The following G3BP2 variants were observed in gnomAD, a reference collection of about 807,000 sequenced individuals.
G3BP2 encodes the protein ras GTPase-activating protein-binding protein 2.
In G3BP2, 11 loss-of-function variants were observed where a neutral mutation model predicts 56.7. The observed-to-expected ratio is 0.19, with a 90% CI of 0.12 to 0.32. G3BP2 has a LOEUF of 0.32. Among genes scored for constraint, G3BP2 ranks in the 10% least tolerant of loss-of-function variants. The pLI is 1.00. For missense variants in G3BP2, 340 were observed against 610.9 expected, an observed-to-expected ratio of 0.56 and a Z score of 4.67; for synonymous variants, 165 against 191.6, an observed-to-expected ratio of 0.86 and a Z score of 1.15.
At chr4:75,710,730 A>G (rs933543209) in intron 3 of G3BP2, among the ~76,000 whole-genome samples, 1 of 151,720 alleles carries the variant, frequency 6.6e-6, no homozygotes, top group Non-Finnish European at 1.5e-5. Flanking sequence ...GCAGTAGTGT[A>G]ATAATAGCTC....
At chr4:75,678,896 G>A (rs540146911) in intron 3 of G3BP2, among the ~76,000 whole-genome samples, 14 of 152,236 alleles carry the variant, frequency 9.2e-5, no homozygotes, top group African/African-American at 1.4e-4. Context: ...AATAAACATC[G>A]GCACTTAATG....
chr4:75,702,446 C>T (rs958813838), intron 3 of G3BP2, among the ~76,000 whole-genome samples: 19 of 152,264 alleles, frequency 1.2e-4, no homozygotes, highest in Middle Eastern at 3.4e-3. Flanking sequence ...CCTGGACCCC[C>T]GAATTCTAAC....
intron 7 of G3BP2, chr4:75,654,863 A>T: frequency 1.8e-6 from 1 of 549,934 alleles, no homozygotes; most frequent in South Asian, 2.6e-5. Context: ...ATCTTAAGTT[A>T]TAAGTTTCAC....
At chr4:75,682,724 G>A (rs1734126846) in intron 3 of G3BP2, among the ~76,000 whole-genome samples, 1 of 152,054 alleles carries the variant, frequency 6.6e-6, no homozygotes, top group Non-Finnish European at 1.5e-5. Flanking sequence ...GCTCATGCCT[G>A]TAATCCCAGC....
intron 11 of G3BP2, 117 bp from the exon 12 acceptor site, chr4:75,645,819 A>G: frequency 1.2e-6 from 1 of 843,252 alleles, no homozygotes; most frequent in South Asian, 1.7e-5. Context: ...TCAGCCCCCC[A>G]CCCCCCAGAG....
chr4:75,671,086 A>G (rs182385443), intron 1 of G3BP2, among the ~76,000 whole-genome samples: 41 of 152,340 alleles, frequency 2.7e-4, no homozygotes, highest in Admixed American at 2.5e-3. Flanking sequence ...TTGCTTCTGA[A>G]GGTAGGCCAG....
intron 3 of G3BP2, among the ~76,000 whole-genome samples, chr4:75,709,969 T>C (rs567612909): frequency 1.3e-5 from 2 of 152,328 alleles, no homozygotes; most frequent in East Asian, 3.9e-4. Context: ...TTGAATTTAT[T>C]GAAAGGGTAT....
At chr4:75,649,950 G>T (rs1368012283) in intron 8 of G3BP2, among the ~76,000 whole-genome samples, 1 of 152,084 alleles carries the variant, frequency 6.6e-6, no homozygotes, top group Non-Finnish European at 1.5e-5. Flanking sequence ...GACGGAGGTT[G>T]CAGTGAGCCA....
intron 1 of G3BP2, among the ~76,000 whole-genome samples, chr4:75,665,224 A>G (rs1732914127): frequency 6.6e-6 from 1 of 151,746 alleles, no homozygotes; most frequent in Admixed American, 6.6e-5. Flanking sequence ...CCTTTCCAAC[A>G]AACTATCCCT....
At position 75,661,996 on chromosome 4, in the gene G3BP2, A is replaced by G. The variant is rs765691759; in HGVS notation, c.30T>C (p.Leu10=). 1 of 1,612,404 alleles carries G rather than the reference A, an allele frequency of 6.2e-7. No homozygotes were observed. Among genetic ancestry groups the G allele is most frequent in the South Asian group, 1.1e-5 (1 of 91,018 alleles). The change falls in exon 2 of 12, where the codon CTT becomes CTC. Residue 10 remains leucine (L), a synonymous_variant. Transcript: ENST00000359707. The part of the protein sequence containing the change: MVMEKPSPL[L]VGREFVRQYY... The stretch of plus-strand genomic sequence containing the variant: ...ATTGCCTCACAAACTCCCGCCCTAC[A>G]AGCAGCGGACTGGGCTTCTCCATAA...
intron 2 of G3BP2, 187 bp downstream of exon 2, chr4:75,661,744 G>A (rs1289520540): frequency 7.3e-6 from 4 of 550,224 alleles, no homozygotes; most frequent in Admixed American, 6.6e-5. Context: ...GACATAAAAT[G>A]TTTTTATTAC....
At chr4:75,684,869 A>G (rs551897050) in intron 3 of G3BP2, among the ~76,000 whole-genome samples, 70 of 152,148 alleles carry the variant, frequency 4.6e-4, no homozygotes, top group Non-Finnish European at 8.7e-4. Context: ...TTAAAAACCA[A>G]TTATCTAAAC....
chr4:75,675,018 C>G (rs564838816), upstream of G3BP2, among the ~76,000 whole-genome samples: 1 of 152,100 alleles, frequency 6.6e-6, no homozygotes, highest in African/African-American at 2.4e-5. Context: ...CCACCGCACC[C>G]GGCCAGTAGT....
intron 5 of G3BP2, 135 bp from the exon 6 acceptor site, chr4:75,656,005 T>C: frequency 1.7e-6 from 1 of 587,940 alleles, no homozygotes; most frequent in Non-Finnish European, 3.0e-6. Flanking sequence ...TTTTTTTTTT[T>C]TTTGAGATGG....
At chr4:75,699,378 T>A (rs1719242064) in intron 3 of G3BP2, among the ~76,000 whole-genome samples, 2 of 152,226 alleles carry the variant, frequency 1.3e-5, no homozygotes, top group Non-Finnish European at 2.9e-5. Flanking sequence ...TAATCCATCC[T>A]CAGCACAGTT....
Position 75,645,371 on chromosome 4 carries a change from C to G in G3BP2, c.*59G>C, listed in dbSNP as rs1731139093. On this transcript the variant is annotated 3_prime_UTR_variant, in exon 12 of 12. Transcript: ENST00000359707. ...ATTCCAAAGCCAAAAAAAAAATTAA[C>G]AAGAATGCAAACACGATGAATAATG... 3 of 1,487,178 alleles carry G rather than the reference C, an allele frequency of 2.0e-6. No individual in the cohort carries two copies. Among genetic ancestry groups the G allele is most frequent in the South Asian group, 2.6e-5 (2 of 77,004 alleles). The allele number at this position is 1,487,178 out of a possible 1,614,324, so 92.1% of individuals were successfully genotyped here.
At chr4:75,676,266 T>C (rs115076465), upstream of G3BP2, among the ~76,000 whole-genome samples, 81 of 152,082 alleles carry the variant, frequency 5.3e-4, no homozygotes, top group African/African-American at 1.8e-3. Flanking sequence ...GTGTGAACGG[T>C]ATTCATTCGG....
At chr4:75,682,307 CG>C (rs1734110451) in intron 3 of G3BP2, among the ~76,000 whole-genome samples, 1 of 150,782 alleles carries the variant, frequency 6.6e-6, no homozygotes, top group South Asian at 2.1e-4. Flanking sequence ...CCCAGCTGCT[CG>C]GGAGGGCTGA....
At chr4:75,696,287 T>C (rs956932698) in intron 3 of G3BP2, among the ~76,000 whole-genome samples, 4 of 152,210 alleles carry the variant, frequency 2.6e-5, no homozygotes, top group African/African-American at 7.2e-5. Context: ...TTGTTTGGGC[T>C]GTGCAGTTGC....
Sources: gnomAD v4.1 joint callset for allele counts (sites outside exome capture counted in the v4.1 genomes callset) on GRCh38, gnomAD v4.1.1 for gene constraint, MANE v1.5 for transcripts, NCBI Gene and HGNC (gene_info 2026-07-23, HGNC 2026-07-21) for gene names.